Variants in TMLHE observed in about 807,000 individuals in gnomAD.
TMLHE encodes the protein trimethyllysine dioxygenase, mitochondrial.
Under a neutral mutation model 25.7 loss-of-function variants are expected in TMLHE, and 18 were observed. The observed-to-expected ratio is 0.70, with a 90% CI of 0.48 to 1.04. The LOEUF is 1.04. TMLHE is among the 50% of genes least tolerant of loss of function. The probability of loss-of-function intolerance (pLI) is 0.00; values close to 1 mark genes in which losing one functional copy is unlikely to be tolerated. For missense variants in TMLHE, 236 were observed against 259.0 expected (o/e 0.91, Z 0.61); for synonymous variants, 105 against 97.0 (o/e 1.08, Z -0.49).
rs782529460 is a variant in TMLHE, at chrX:155,514,281, A to G, written c.359-16T>C. The G allele has an allele frequency of 4.2e-5, 49 of 1,180,294 alleles. No homozygotes were observed. The highest frequency in any genetic ancestry group is 5.6e-5 in the Non-Finnish European group (49 of 879,551). ...CCATCTGGCCCTTTTAAGGGGAAAA[A>G]TAAAAGGCACTATAATAATTACAAA... On this transcript the variant is annotated splice_polypyrimidine_tract_variant and intron_variant, in intron 3 of 7. Coordinates refer to ENST00000334398, the MANE Select transcript of TMLHE (RefSeq NM_018196.4).
chrX:155,610,875 G>A (rs1201962013), intron 1 of TMLHE, among the ~76,000 whole-genome samples: 4 of 109,910 alleles, frequency 3.6e-5, no homozygotes, highest in Admixed American at 9.7e-5. Flanking sequence ...TCCCGAACTG[G>A]CTGTCCTGTG....
chrX:155,578,618 G>A (rs943029923), intron 1 of TMLHE, among the ~76,000 whole-genome samples: 3 of 111,806 alleles, frequency 2.7e-5, no homozygotes, highest in Non-Finnish European at 3.8e-5. Flanking sequence ...TATTGCCATT[G>A]CCCACATCAT....
At chrX:155,506,854 T>C in intron 6 of TMLHE, 44 bp downstream of exon 6, 1 of 1,114,822 alleles carries the variant, frequency 9.0e-7, no homozygotes, top group Non-Finnish European at 1.2e-6. Context: ...AAGGCTAATC[T>C]TTGGCAAATA....
intron 1 of TMLHE, among the ~76,000 whole-genome samples, chrX:155,601,545 A>C (rs2067756297): frequency 8.9e-6 from 1 of 111,911 alleles, no homozygotes; most frequent in South Asian, 3.7e-4. Flanking sequence ...AAGCTCTAGA[A>C]ATTACAGTAA....
At chrX:155,531,519 A>G (rs2067249213) in intron 2 of TMLHE, among the ~76,000 whole-genome samples, 1 of 111,201 alleles carries the variant, frequency 9.0e-6, no homozygotes. Flanking sequence ...ATTTGCCCTC[A>G]TGACCCAAAT....
At chrX:155,554,474 G>GT (rs1195047569) in intron 1 of TMLHE, among the ~76,000 whole-genome samples, 1 of 110,649 alleles carries the variant, frequency 9.0e-6, no homozygotes, top group African/African-American at 3.3e-5. Context: ...TCTTCATGTT[G>GT]TTTTTTTGAA....
intron 2 of TMLHE, among the ~76,000 whole-genome samples, chrX:155,543,778 G>A (rs1289813422): frequency 1.8e-5 from 2 of 112,003 alleles, no homozygotes; most frequent in Non-Finnish European, 3.8e-5. Flanking sequence ...AGCAAGTTTT[G>A]TAATGTTGTT....
intron 4 of TMLHE, among the ~76,000 whole-genome samples, chrX:155,512,970 C>T (rs1215009266): frequency 2.7e-5 from 3 of 111,354 alleles, no homozygotes; most frequent in African/African-American, 9.8e-5. Context: ...TTTTCTGAAC[C>T]CTTGAAGTTC....
chrX:155,561,969 G>A (rs1308249688), intron 1 of TMLHE, among the ~76,000 whole-genome samples: 1 of 62,455 alleles, frequency 1.6e-5, no homozygotes, highest in African/African-American at 3.5e-5. Context: ...CAGGTGTACA[G>A]TGCAAGCTGT....
intron 1 of TMLHE, among the ~76,000 whole-genome samples, chrX:155,601,092 T>G (rs1557347196): frequency 9.0e-6 from 1 of 111,730 alleles, no homozygotes. Flanking sequence ...AAGTAAGAAT[T>G]CTATATCCAG....
intron 1 of TMLHE, among the ~76,000 whole-genome samples, chrX:155,586,714 A>G (rs1177434770): frequency 8.9e-6 from 1 of 112,070 alleles, no homozygotes; most frequent in Admixed American, 9.5e-5. Context: ...AATACAAAAG[A>G]TCATCAGAGA....
chrX:155,603,538 C>G (rs1557347557), intron 1 of TMLHE, among the ~76,000 whole-genome samples: 4 of 111,432 alleles, frequency 3.6e-5, no homozygotes, highest in African/African-American at 1.3e-4. Context: ...TACAATGCCA[C>G]AATAGTCAAG....
At chrX:155,548,541 C>T (rs1348905165) in intron 1 of TMLHE, among the ~76,000 whole-genome samples, 2 of 107,316 alleles carry the variant, frequency 1.9e-5, no homozygotes, top group Non-Finnish European at 1.9e-5. Flanking sequence ...TGAGGCCAGC[C>T]TGACTAACAT....
At chrX:155,522,531 T>C (rs2067194431) in intron 3 of TMLHE, among the ~76,000 whole-genome samples, 1 of 112,220 alleles carries the variant, frequency 8.9e-6, no homozygotes, top group Admixed American at 9.4e-5. Context: ...CGTGTTACCC[T>C]TTTACAGCTA....
intron 3 of TMLHE, among the ~76,000 whole-genome samples, chrX:155,515,804 G>T (rs1409570914): frequency 9.1e-6 from 1 of 110,024 alleles, no homozygotes; most frequent in Non-Finnish European, 1.9e-5. Context: ...AGTCAAATCT[G>T]GTGCTTGGTT....
intron 4 of TMLHE, 136 bp from the exon 5 acceptor site, chrX:155,511,928 G>A (rs1603016685): frequency 3.3e-6 from 2 of 607,386 alleles, no homozygotes; most frequent in African/African-American, 4.5e-5. Flanking sequence ...TAATCCATAA[G>A]GTGAAAATGA....
rs2067207778 is a variant in TMLHE at position 155,524,568 on chromosome X, T to C, written c.246A>G (p.Ser82=). Residue 82 remains serine (S), a synonymous_variant, in exon 3 of 8, where the codon TCA becomes TCG. Transcript: ENST00000334398. ...GAGTCTTAGAGTTGTAGCACGATGC[T>C]GAGCGGCAGTGGTCTCGAAGCCAGA... is the stretch of plus-strand genomic sequence containing the variant. ...DYVWLRDHCR[S]ASCYNSKTHQ... 2 of 1,205,430 alleles carry C rather than the reference T, an allele frequency of 1.7e-6. No homozygotes were observed. The highest frequency in any genetic ancestry group is 1.8e-5 in the South Asian group (1 of 55,514).
In TMLHE at chrX:155,549,257, T is replaced by TGCCC. The variant is rs1557339605; in HGVS notation, c.-1-3981_-1-3980insGGGC. ...TTTTTTGCTGCATTGTGCTCACTAG[T>TGCCC]TAGGAGGAGTAAGCATGGACAACCT... On this transcript the variant is annotated intron_variant, in intron 1 of 7. Coordinates refer to ENST00000334398, the MANE Select transcript of TMLHE (RefSeq NM_018196.4). Among the ~76,000 whole-genome samples the TGCCC allele has an allele frequency of 2.7e-5, 3 of 110,827 alleles. 1 individual carries two copies. Among genetic ancestry groups the TGCCC allele is most frequent in the Non-Finnish European group, 5.7e-5 (3 of 53,009 alleles).
intron 1 of TMLHE, among the ~76,000 whole-genome samples, chrX:155,606,577 C>T (rs1294327595): frequency 9.0e-6 from 1 of 110,622 alleles, no homozygotes; most frequent in Non-Finnish European, 1.9e-5. Context: ...AACAAAGATA[C>T]AACATGTCAG....
Sources: allele counts gnomAD v4.1 joint callset (sites outside exome capture counted in the v4.1 genomes callset), GRCh38; gene constraint gnomAD v4.1.1; transcripts MANE v1.5; gene names NCBI Gene and HGNC (gene_info 2026-07-23, HGNC 2026-07-21).